Variants in ARHGEF5 observed in about 807,000 individuals in gnomAD.
ARHGEF5 encodes Rho guanine nucleotide exchange factor 5, also known as Rho guanine nucleotide exchange factor (GEF) 5.
ARHGEF5 carries 11 observed loss-of-function variants against 104.0 expected under a neutral mutation model. That is an observed-to-expected ratio of 0.11 (90% confidence interval 0.07 to 0.18). The LOEUF is 0.18. Among genes scored for constraint, ARHGEF5 ranks in the 10% least tolerant of loss-of-function variants. ARHGEF5 has a pLI of 1.00. For synonymous variants in ARHGEF5, 60 were observed against 512.2 expected, an observed-to-expected ratio of 0.12 and a Z score of 11.92; for missense variants, 165 against 1,335.4, an observed-to-expected ratio of 0.12 and a Z score of 13.66.
intron 1 of ARHGEF5, among the ~76,000 whole-genome samples, chr7:144,358,178 CAGTT>C (rs1460019788): frequency 3.5e-4 from 2 of 5,686 alleles, no homozygotes; most frequent in Non-Finnish European, 7.3e-4. Context: ...TGAAAAAAGA[CAGTT>C]AGAAACGGTG....
At chr7:144,374,134 G>A (rs1332247269) in intron 10 of ARHGEF5, among the ~76,000 whole-genome samples, 2 of 78,836 alleles carry the variant, frequency 2.5e-5, no homozygotes, top group African/African-American at 4.6e-5. Context: ...GAGCCACCAC[G>A]CTCGTGCTTA....
Position 144,363,980 on chromosome 7 carries a change from A to C in ARHGEF5, c.1311A>C (p.Thr437=), listed in dbSNP as rs2053670774. 15 of 1,404,106 alleles carry C rather than the reference A, an allele frequency of 1.1e-5. 4 individuals are homozygous for C. The highest frequency in any genetic ancestry group is 1.5e-5 in the Non-Finnish European group (15 of 1,025,280). The allele number at this position is 1,404,106 out of a possible 1,614,324, so 87.0% of individuals were successfully genotyped here. The change falls in exon 2 of 15, where the codon ACA becomes ACC. Residue 437 remains threonine, a synonymous_variant. Coordinates refer to ENST00000056217, the MANE Select transcript of ARHGEF5 (RefSeq NM_005435.4). ...YLMTQIPGTQ[T]ESRAEELSPA... ...TGACTCAGATTCCCGGGACTCAGAC[A>C]GAGTCCAGGGCTGAGGAACTGTCCC...
rs1587067564 is a variant in ARHGEF5 at position 144,366,237 on chromosome 7, C to CGA, written c.3155-118_3155-117insGA. 1.3e-5 allele frequency: 14 copies of CGA among 1,093,482 alleles called. No individual in the cohort carries two copies. The East Asian group carries it at 3.2e-4, about 25-fold the overall frequency. 67.7% of individuals were successfully genotyped at this position (1,093,482 alleles called of 1,614,324 possible). A position where few individuals can be genotyped will look rare whatever the true frequency, so the allele number is the denominator to read the frequency against. On this transcript the variant is annotated intron_variant, in intron 2 of 14. Transcript: ENST00000056217. ...CTCTGCTTTGCCACTTTCTTCCCTC[C>CGA]CAGTTTCCCAATAAAGCCCATTTTC...
chr7:144,379,985 C>G lies in ARHGEF5; in HGVS notation c.4723C>G (p.Arg1575Gly). Residue 1575 changes from arginine to glycine, a missense_variant, in exon 15 of 15, where the codon CGT (arginine) becomes GGT (glycine). Coordinates refer to ENST00000056217, the MANE Select transcript of ARHGEF5 (RefSeq NM_005435.4). ...GGAGTTCATTTCCAACCCAGAGGTC[C>G]GTGCACAGAACCTGAAGGAAGCTCA... The part of the protein sequence containing the change: ...QVEFISNPEV[R>G]AQNLKEAHRV... 6.2e-7 allele frequency: 1 copy of G among 1,614,172 alleles called. No individual in the cohort carries two copies. Among genetic ancestry groups the G allele is most frequent in the Non-Finnish European group, 8.5e-7 (1 of 1,180,032 alleles).
Position 144,380,099 on chromosome 7 carries a change from T to C in ARHGEF5, c.*43T>C, listed in dbSNP as rs749882356. 4 of 1,612,184 alleles carry C rather than the reference T, an allele frequency of 2.5e-6. No individual in the cohort carries two copies. Among genetic ancestry groups the C allele is most frequent in the Non-Finnish European group, 3.4e-6 (4 of 1,178,650 alleles). On this transcript the variant is annotated 3_prime_UTR_variant, in exon 15 of 15. Coordinates refer to ENST00000056217, the MANE Select transcript of ARHGEF5 (RefSeq NM_005435.4). ...TTTCGTGAGCTGAAGAACAAGCTGC[T>C]CATGGCAAGGGCTGGCCCCAGAACC...
At chr7:144,378,931 TC>T (rs1475630696) in intron 14 of ARHGEF5, 65 bp downstream of exon 14, 1 of 1,455,230 alleles carries the variant, frequency 6.9e-7, no homozygotes, top group African/African-American at 1.4e-5. Context: ...GGGAGTGTGT[TC>T]ACTTCCTGCA....
rs755655039 is a variant in ARHGEF5, at chr7:144,380,236, T to G, written c.*180T>G. 1.0e-4 allele frequency: 73 copies of G among 721,418 alleles called. No homozygotes were observed. Among genetic ancestry groups the G allele is most frequent in the Non-Finnish European group, 1.6e-4 (71 of 457,090 alleles). The allele number at this position is 721,418 out of a possible 1,614,324, so 44.7% of individuals were successfully genotyped here. On this transcript the variant is annotated 3_prime_UTR_variant, in exon 15 of 15. Coordinates refer to ENST00000056217, the MANE Select transcript of ARHGEF5 (RefSeq NM_005435.4). ...GCCTCCTTTCGTGCTTTGTGCTTGG[T>G]GGGGGGGATTTCGAGGGACTTTGCA...
Position 144,380,012 on chromosome 7 carries a change from C to T in ARHGEF5, c.4750C>T (p.Arg1584Ter), listed in dbSNP as rs750003677. Residue 1584 changes from arginine (R) to a stop codon, truncating the protein, a stop_gained, in exon 15 of 15, where the codon CGA (arginine) becomes TGA (stop). Transcript: ENST00000056217. LOFTEE classifies it high-confidence loss of function. ...TGCACAGAACCTGAAGGAAGCTCAT[C>T]GAGTCAAGACTGCCAAACTACAGCT... ...VRAQNLKEAH[R>*]VKTAKLQLVE... 6.2e-7 allele frequency: 1 copy of T among 1,614,178 alleles called. No homozygotes were observed. The highest frequency in any genetic ancestry group is 8.5e-7 in the Non-Finnish European group (1 of 1,180,040).
intron 1 of ARHGEF5, among the ~76,000 whole-genome samples, chr7:144,361,096 C>T (rs1052818009): frequency 1.4e-5 from 2 of 142,966 alleles, no homozygotes; most frequent in African/African-American, 5.1e-5. Context: ...GGTGTGGTGG[C>T]ACACACCTAT....
chr7:144,370,487 A>G (rs1476796623), intron 5 of ARHGEF5, among the ~76,000 whole-genome samples: 1 of 149,498 alleles, frequency 6.7e-6, no homozygotes, highest in Non-Finnish European at 1.5e-5. Flanking sequence ...GTTTGTTTTG[A>G]GATGGGGTTT....
chr7:144,380,324 CT>C lies in ARHGEF5; in HGVS notation c.*271del, dbSNP rs995274140. On this transcript the variant is annotated 3_prime_UTR_variant, in exon 15 of 15. Coordinates refer to ENST00000056217, the MANE Select transcript of ARHGEF5 (RefSeq NM_005435.4). ...GACCATTGGGGCCTGAGCCAAGGAA[CT>C]TTCCTTCTACTGCCTTATAGTGCTT... 2 of 387,054 alleles carry C rather than the reference CT, an allele frequency of 5.2e-6. No homozygotes were observed. Among genetic ancestry groups the C allele is most frequent in the Admixed American group, 7.3e-5 (2 of 27,454 alleles). The allele number at this position is 387,054 out of a possible 1,614,324, so 24.0% of individuals were successfully genotyped here. A position where few individuals can be genotyped will look rare whatever the true frequency, so the allele number is the denominator to read the frequency against.
intron 12 of ARHGEF5, among the ~76,000 whole-genome samples, chr7:144,375,885 C>T (rs1444124102): frequency 2.6e-5 from 4 of 152,298 alleles, no homozygotes; most frequent in African/African-American, 9.6e-5. Context: ...AAAGTCACCA[C>T]CGAGGCTTAG....
Position 144,380,123 on chromosome 7 carries a change from C to T in ARHGEF5, c.*67C>T. The stretch of plus-strand genomic sequence containing the variant: ...CTCATGGCAAGGGCTGGCCCCAGAA[C>T]CCTGCAAGAGAGGCCTTCTGTGGAT... On this transcript the variant is annotated 3_prime_UTR_variant, in exon 15 of 15. Coordinates refer to ENST00000056217, the MANE Select transcript of ARHGEF5 (RefSeq NM_005435.4). 12 of 1,595,332 alleles carry T rather than the reference C, an allele frequency of 7.5e-6. No individual in the cohort carries two copies. Among genetic ancestry groups the T allele is most frequent in the Non-Finnish European group, 1.0e-5 (12 of 1,166,766 alleles).
chr7:144,373,871 C>T (rs1341846958), intron 10 of ARHGEF5, among the ~76,000 whole-genome samples: 5 of 146,698 alleles, frequency 3.4e-5, no homozygotes, highest in African/African-American at 1.3e-4. Flanking sequence ...GACAGAGTCT[C>T]ACTCTGTCGC....
intron 14 of ARHGEF5, among the ~76,000 whole-genome samples, chr7:144,379,244 G>C (rs1419486035): frequency 6.6e-6 from 1 of 152,068 alleles, no homozygotes; most frequent in Non-Finnish European, 1.5e-5. Context: ...TTTTGAGACA[G>C]AGTCTTGCTC....
intron 1 of ARHGEF5, among the ~76,000 whole-genome samples, chr7:144,361,063 A>G: frequency 7.0e-6 from 1 of 143,836 alleles, no homozygotes; most frequent in South Asian, 2.2e-4. Flanking sequence ...CCCCGTCTCT[A>G]CTAAAAGTAC....
intron 14 of ARHGEF5, 44 bp downstream of exon 14, chr7:144,378,910 AG>A (rs2053781039): frequency 6.4e-7 from 1 of 1,560,862 alleles, no homozygotes; most frequent in Non-Finnish European, 8.8e-7. Flanking sequence ...CACTGCAGGC[AG>A]GGCAGTGCTG....
chr7:144,370,159 GA>G lies in ARHGEF5; in HGVS notation c.3532-998del, dbSNP rs1300524079. On this transcript the variant is annotated intron_variant, in intron 5 of 14. Coordinates refer to ENST00000056217, the MANE Select transcript of ARHGEF5 (RefSeq NM_005435.4). ...CCAGCTACTCAGGAGGCTGAGGCAG[GA>G]AAATGGCTTGAACCTGGGATGCGGA... Among the ~76,000 whole-genome samples, 5 of 137,286 alleles carry G rather than the reference GA, an allele frequency of 3.6e-5. No individual in the cohort carries two copies. In the Admixed American group the frequency reaches 3.6e-4, roughly 10 times the overall value. The allele number at this position is 137,286 out of a possible 152,430, so 90.1% of individuals were successfully genotyped here. A position where few individuals can be genotyped will look rare whatever the true frequency, so the allele number is the denominator to read the frequency against.
Position 144,380,032 on chromosome 7 carries a change from A to G in ARHGEF5, c.4770A>G (p.Leu1590=). 1.9e-6 allele frequency: 3 copies of G among 1,614,186 alleles called. No individual in the cohort carries two copies. The highest frequency in any genetic ancestry group is 2.5e-6 in the Non-Finnish European group (3 of 1,180,030). ...CTCATCGAGTCAAGACTGCCAAACT[A>G]CAGCTGGTGGAACAGCAAGCCTAAG... ...KEAHRVKTAK[L]QLVEQQA is the part of the protein sequence containing the mutation. The change falls in exon 15 of 15, where the codon CTA becomes CTG. Residue 1590 remains leucine, a synonymous_variant. Coordinates refer to ENST00000056217, the MANE Select transcript of ARHGEF5 (RefSeq NM_005435.4).
Sources: gnomAD v4.1 joint callset for allele counts (sites outside exome capture counted in the v4.1 genomes callset) on GRCh38, gnomAD v4.1.1 for gene constraint, MANE v1.5 for transcripts, NCBI Gene and HGNC (gene_info 2026-07-23, HGNC 2026-07-21) for gene names.